The following CELF5 variants were observed in gnomAD, a reference collection of about 807,000 sequenced individuals.
The protein encoded by CELF5 is CUG-BP and ETR-3 like factor 5.
A neutral mutation model predicts 54.9 loss-of-function variants in CELF5; 6 were observed. The observed-to-expected ratio is 0.11, with a 90% confidence interval of 0.06 to 0.22. The LOEUF is 0.22. CELF5 is among the 10% of genes least tolerant of loss of function. The pLI is 1.00. For synonymous variants in CELF5, 271 were observed against 290.9 expected (o/e 0.93, Z 0.70); for missense variants, 401 against 678.6 (o/e 0.59, Z 4.54).
intron 9 of CELF5, 103 bp downstream of exon 9, chr19:3,285,067 C>A (rs367915965): frequency 9.0e-6 from 8 of 888,598 alleles, no homozygotes; most frequent in South Asian, 7.8e-5. Context: ...TGTGCCTAGC[C>A]GCGCCTCCTA....
chr19:3,289,238 T>C (rs1346418748), intron 10 of CELF5, among the ~76,000 whole-genome samples: 1 of 151,976 alleles, frequency 6.6e-6, no homozygotes, highest in South Asian at 2.1e-4. Context: ...CTAGCTGGGG[T>C]TTGAGAAAGG....
chr19:3,226,476 A>ACACACACACAC (rs1555715644), intron 1 of CELF5, among the ~76,000 whole-genome samples: 52 of 151,050 alleles, frequency 3.4e-4, no homozygotes, highest in South Asian at 8.4e-4. Flanking sequence ...ACACACACAC[A>ACACACACACAC]AAATTGGGCC....
At chr19:3,276,810 C>CG (rs1249019231) in intron 4 of CELF5, among the ~76,000 whole-genome samples, 20 of 47,610 alleles carry the variant, frequency 4.2e-4, no homozygotes, top group African/African-American at 7.7e-4. Context: ...TGGTGGGAGG[C>CG]GGGGGGGCTT....
At chr19:3,255,929 G>A (rs1178655533) in intron 2 of CELF5, among the ~76,000 whole-genome samples, 1 of 152,014 alleles carries the variant, frequency 6.6e-6, no homozygotes, top group African/African-American at 2.4e-5. Flanking sequence ...GCTGGGCGTG[G>A]TGGCAGGGGT....
intron 1 of CELF5, among the ~76,000 whole-genome samples, chr19:3,238,259 A>G (rs192720489): frequency 6.6e-6 from 1 of 152,230 alleles, no homozygotes; most frequent in African/African-American, 2.4e-5. Context: ...CTCCTATTCA[A>G]GATGGAGTTG....
intron 1 of CELF5, among the ~76,000 whole-genome samples, chr19:3,226,466 A>ACACACACACACACT (rs1393547245): frequency 4.0e-5 from 6 of 151,656 alleles, no homozygotes; most frequent in African/African-American, 1.5e-4. Context: ...ACACACACAC[A>ACACACACACACACT]CACACACACA....
chr19:3,228,752 G>A lies in CELF5; in HGVS notation c.259+3754G>A, dbSNP rs1205535524. ...TGAGGCGTGAGATTCCGCGTGTGACGCACCAGCTCCAGGGAGAAGGCGGGC... is the reference window on the plus strand; with the variant it reads ...TGAGGCGTGAGATTCCGCGTGTGACACACCAGCTCCAGGGAGAAGGCGGGC... On this transcript the variant is annotated intron_variant, in intron 1 of 12. Coordinates refer to ENST00000292672, the MANE Select transcript of CELF5 (RefSeq NM_021938.4). The surrounding 1 kb of genome is among the most constrained non-coding windows in gnomAD (Gnocchi z 6.0). 6.6e-6 allele frequency among the ~76,000 whole-genome samples: 1 copy of A among 151,474 alleles called. No homozygotes were observed. The highest frequency in any genetic ancestry group is 2.1e-4 in the South Asian group (1 of 4,770).
In CELF5 at chr19:3,228,873, G is replaced by A. The variant is rs1599378481; in HGVS notation, c.259+3875G>A. 7.7e-6 allele frequency among the ~76,000 whole-genome samples: 1 copy of A among 130,024 alleles called. No homozygotes were observed. 85.3% of individuals were successfully genotyped at this position (130,024 alleles called of 152,430 possible). On this transcript the variant is annotated intron_variant, in intron 1 of 12. Transcript: ENST00000292672. The surrounding 1 kb of genome is among the most constrained non-coding windows in gnomAD (Gnocchi z 6.0). ...CTGGGGGTGGCTGGCAGGGTTGGCCGGCGTGTGTGTGTGTGTGTGTGTGTG... is the reference window on the plus strand; with the variant it reads ...CTGGGGGTGGCTGGCAGGGTTGGCCAGCGTGTGTGTGTGTGTGTGTGTGTG...
chr19:3,282,488 G>T lies in CELF5; in HGVS notation c.1029G>T (p.Val343=). The change falls in exon 8 of 13, where the codon GTG becomes GTT. Residue 343 remains valine (V), a synonymous_variant. Coordinates refer to ENST00000292672, the MANE Select transcript of CELF5 (RefSeq NM_021938.4). The surrounding 1 kb of genome is among the most constrained non-coding windows in gnomAD (Gnocchi z 5.2). The part of the protein sequence containing the change: ...ALETVYANGL[V]PYPAQSPTVA... ...AAACCGTCTATGCCAATGGCCTTGTGCCCTACCCAGGTAAATTGGGGTCGT... is the reference window on the plus strand; with the variant it reads ...AAACCGTCTATGCCAATGGCCTTGTTCCCTACCCAGGTAAATTGGGGTCGT... The T allele has an allele frequency of 6.2e-7, 1 of 1,612,274 alleles. No homozygotes were observed.
intron 2 of CELF5, among the ~76,000 whole-genome samples, chr19:3,267,134 A>G (rs1221375609): frequency 6.6e-6 from 1 of 151,824 alleles, no homozygotes; most frequent in Non-Finnish European, 1.5e-5. Flanking sequence ...GGGGGACAGT[A>G]CGAGTGGACC....
intron 1 of CELF5, among the ~76,000 whole-genome samples, chr19:3,233,960 C>T (rs748060265): frequency 2.6e-5 from 4 of 152,194 alleles, no homozygotes; most frequent in South Asian, 2.1e-4. Flanking sequence ...AAGACGGCGG[C>T]GCCTGGAGGT....
At chr19:3,241,974 C>T (rs990216336) in intron 1 of CELF5, among the ~76,000 whole-genome samples, 1 of 152,120 alleles carries the variant, frequency 6.6e-6, no homozygotes, top group Non-Finnish European at 1.5e-5. Flanking sequence ...GGGGTTTCAC[C>T]GTGTTGGGCA....
At chr19:3,254,739 C>T (rs2079697783) in intron 2 of CELF5, among the ~76,000 whole-genome samples, 1 of 151,734 alleles carries the variant, frequency 6.6e-6, no homozygotes, top group South Asian at 2.1e-4. Context: ...TTGAGTCACT[C>T]ACTCATCTAT....
chr19:3,244,927 G>A (rs981380349), intron 1 of CELF5, among the ~76,000 whole-genome samples: 4 of 141,304 alleles, frequency 2.8e-5, no homozygotes, highest in African/African-American at 5.3e-5. Flanking sequence ...ACATCTGTAC[G>A]TGTGTGTGTG....
chr19:3,268,651 A>G lies in CELF5; in HGVS notation c.343-5221A>G, dbSNP rs375730294. ...GCTGTCATTTGTGGACCCTGGGCTAAGGGTCTTGGTGGGGAACGGAGGGTC... is the reference window on the plus strand; with the variant it reads ...GCTGTCATTTGTGGACCCTGGGCTAGGGGTCTTGGTGGGGAACGGAGGGTC... On this transcript the variant is annotated intron_variant, in intron 2 of 12. Coordinates refer to ENST00000292672, the MANE Select transcript of CELF5 (RefSeq NM_021938.4). The surrounding 1 kb of genome is among the most constrained non-coding windows in gnomAD (Gnocchi z 4.4). 1.2e-4 allele frequency among the ~76,000 whole-genome samples: 18 copies of G among 152,166 alleles called. 1 individual carries two copies. In the South Asian group the frequency reaches 2.7e-3, roughly 23 times the overall value.
intron 8 of CELF5, among the ~76,000 whole-genome samples, chr19:3,284,412 T>C (rs550280579): frequency 8.5e-5 from 13 of 152,268 alleles, no homozygotes; most frequent in African/African-American, 3.1e-4. Flanking sequence ...TTTGGTGGCC[T>C]GGACAACTTC....
intron 1 of CELF5, among the ~76,000 whole-genome samples, chr19:3,244,765 A>C (rs1287293146): frequency 5.0e-5 from 7 of 139,142 alleles, no homozygotes. Flanking sequence ...TGGTGTGTGC[A>C]TGCATCTATG....
chr19:3,290,499 C>G lies in CELF5; in HGVS notation c.1330+125C>G, dbSNP rs561366296. ...TGAAATAATCACAATCAGAACCAGCCTGTGGCCGGGCACAGTGGATCACGC... is the reference window on the plus strand; with the variant it reads ...TGAAATAATCACAATCAGAACCAGCGTGTGGCCGGGCACAGTGGATCACGC... On this transcript the variant is annotated intron_variant, in intron 11 of 12. Coordinates refer to ENST00000292672, the MANE Select transcript of CELF5 (RefSeq NM_021938.4). 2.0e-5 allele frequency: 22 copies of G among 1,075,886 alleles called. No individual in the cohort carries two copies. In the South Asian group the frequency reaches 2.9e-4, roughly 14 times the overall value. The allele number at this position is 1,075,886 out of a possible 1,614,324, so 66.6% of individuals were successfully genotyped here.
chr19:3,241,496 C>CCAAGGCTCTCCAGGTGTGCAG (rs1247748323), intron 1 of CELF5, among the ~76,000 whole-genome samples: 21 of 152,120 alleles, frequency 1.4e-4, no homozygotes, highest in African/African-American at 5.1e-4. Flanking sequence ...CTCCAGAACC[C>CCAAGGCTCTCCAGGTGTGCAG]CAAGGCTCTC....
Sources: allele counts gnomAD v4.1 joint callset (sites outside exome capture counted in the v4.1 genomes callset), GRCh38; gene constraint gnomAD v4.1.1; non-coding constraint Gnocchi (gnomAD v3.1); transcripts MANE v1.5; gene names NCBI Gene and HGNC (gene_info 2026-07-23, HGNC 2026-07-21).